EBF1: variants seen among roughly 807,000 people sequenced by gnomAD.
EBF1 encodes EBF transcription factor 1.
Under a neutral mutation model 68.4 loss-of-function variants are expected in EBF1, and 10 were observed. That is an observed-to-expected ratio of 0.15 (90% CI 0.09 to 0.25). EBF1 has a LOEUF of 0.25. Ranked by LOEUF, EBF1 falls within the 10% of genes least tolerant of loss-of-function variation. The pLI is 1.00. For missense variants in EBF1, 509 were observed against 794.4 expected (o/e 0.64, Z 4.32); for synonymous variants, 298 against 299.8 (o/e 0.99, Z 0.06).
chr5:158,958,096 G>A (rs944722727), intron 6 of EBF1, among the ~76,000 whole-genome samples: 2 of 152,200 alleles, frequency 1.3e-5, no homozygotes, highest in Admixed American at 6.5e-5. Flanking sequence ...TGTGTTTCCC[G>A]GCAAAGAGGT....
intron 8 of EBF1, among the ~76,000 whole-genome samples, chr5:158,803,975 TG>T (rs1187453354): frequency 9.5e-5 from 14 of 147,104 alleles, no homozygotes; most frequent in African/African-American, 3.5e-4. Context: ...TGTGTGTGTG[TG>T]TGTGTGATGT....
At chr5:159,047,696 CT>C (rs1413473564) in intron 6 of EBF1, among the ~76,000 whole-genome samples, 4 of 152,162 alleles carry the variant, frequency 2.6e-5, no homozygotes, top group African/African-American at 9.7e-5. Flanking sequence ...AAACCCATAC[CT>C]CTTCTCATGC....
intron 6 of EBF1, among the ~76,000 whole-genome samples, chr5:159,038,544 C>G (rs150858578): frequency 7.4e-4 from 112 of 152,262 alleles, no homozygotes; most frequent in African/African-American, 2.6e-3. Context: ...AGCAAAGAGG[C>G]CATGCCTCAC....
chr5:158,926,886 C>T (rs150618835), intron 6 of EBF1, among the ~76,000 whole-genome samples: 2,474 of 152,030 alleles, frequency 0.016, 34 homozygotes, highest in Middle Eastern at 0.031. Flanking sequence ...TAATTGCAAC[C>T]GAATCAATAC....
intron 6 of EBF1, among the ~76,000 whole-genome samples, chr5:159,047,258 G>C (rs1772606748): frequency 1.3e-5 from 2 of 152,178 alleles, no homozygotes; most frequent in Admixed American, 6.5e-5. Context: ...CGTGACAGAA[G>C]CAATGGGAAC....
chr5:158,754,439 C>T (rs776312901), intron 10 of EBF1, among the ~76,000 whole-genome samples: 1 of 152,082 alleles, frequency 6.6e-6, no homozygotes, highest in Non-Finnish European at 1.5e-5. Flanking sequence ...GCAGCCTGAT[C>T]GCCACGATGT....
chr5:159,018,554 T>C (rs1227627290), intron 6 of EBF1, among the ~76,000 whole-genome samples: 1 of 152,204 alleles, frequency 6.6e-6, no homozygotes, highest in East Asian at 1.9e-4. Flanking sequence ...AATTTTTTGT[T>C]CCAGCACACA....
At chr5:158,825,245 A>G (rs1785807736) in intron 7 of EBF1, among the ~76,000 whole-genome samples, 1 of 152,252 alleles carries the variant, frequency 6.6e-6, no homozygotes, top group South Asian at 2.1e-4. Context: ...TATCATATGC[A>G]GTGGCAAAGT....
intron 5 of EBF1, among the ~76,000 whole-genome samples, chr5:159,083,718 A>G (rs1780122586): frequency 6.6e-6 from 1 of 152,218 alleles, no homozygotes; most frequent in African/African-American, 2.4e-5. Flanking sequence ...GAAGCCCTAA[A>G]CGGATTGGTC....
chr5:158,855,351 A>G (rs1311404115), intron 6 of EBF1, among the ~76,000 whole-genome samples: 1 of 152,224 alleles, frequency 6.6e-6, no homozygotes, highest in Non-Finnish European at 1.5e-5. Flanking sequence ...CAGGGAGTGG[A>G]TAAAGTCACT....
At chr5:158,959,185 A>T (rs1284654986) in intron 6 of EBF1, among the ~76,000 whole-genome samples, 1 of 152,226 alleles carries the variant, frequency 6.6e-6, no homozygotes, top group Non-Finnish European at 1.5e-5. Flanking sequence ...ATTTGCCCAT[A>T]TTTTAGAAAA....
intron 5 of EBF1, among the ~76,000 whole-genome samples, chr5:159,077,062 G>A (rs575237685): frequency 1.8e-4 from 27 of 152,330 alleles, no homozygotes; most frequent in Non-Finnish European, 2.9e-4. Context: ...GGGAGAGAGG[G>A]AGGGGAAGAG....
intron 6 of EBF1, among the ~76,000 whole-genome samples, chr5:159,068,032 A>G (rs913022804): frequency 1.7e-4 from 26 of 152,268 alleles, no homozygotes; most frequent in African/African-American, 6.3e-4. Flanking sequence ...TTCATACCCC[A>G]CACAGCCATT....
intron 6 of EBF1, among the ~76,000 whole-genome samples, chr5:159,061,074 T>C (rs1361687374): frequency 1.3e-5 from 2 of 152,098 alleles, no homozygotes; most frequent in East Asian, 3.8e-4. Context: ...CCGGAGTGTT[T>C]AGTTGAGGCA....
rs921835166 is a variant in EBF1 at position 158,941,067 on chromosome 5, A to G, written c.555-100957T>C. Reference sequence around the variant, plus strand: ...GCTCTTAGCCTCAAGAAAAGACAAAACTGAAAACAATCATCTGTTGCTGAC... The same window carrying G: ...GCTCTTAGCCTCAAGAAAAGACAAAGCTGAAAACAATCATCTGTTGCTGAC... On this transcript the variant is annotated intron_variant, in intron 6 of 15. Transcript: ENST00000313708. The G allele has an allele frequency of 9.1e-5, 34 of 373,860 alleles. 1 individual carries two copies. The Admixed American group carries it at 1.1e-3, about 12-fold the overall frequency. 23.2% of individuals were successfully genotyped at this position (373,860 alleles called of 1,614,324 possible).
chr5:158,816,403 T>G (rs1227175551), intron 8 of EBF1, among the ~76,000 whole-genome samples: 1 of 151,838 alleles, frequency 6.6e-6, no homozygotes, highest in East Asian at 1.9e-4. Context: ...GTACAAAGAG[T>G]GCTGAATGGA....
At chr5:159,080,527 T>C (rs1584480020) in intron 5 of EBF1, among the ~76,000 whole-genome samples, 1 of 152,336 alleles carries the variant, frequency 6.6e-6, no homozygotes, top group South Asian at 2.1e-4. Context: ...AATGTTTTGG[T>C]AGACATTTCA....
At chr5:158,964,516 G>A (rs946674687) in intron 6 of EBF1, among the ~76,000 whole-genome samples, 2 of 152,090 alleles carry the variant, frequency 1.3e-5, no homozygotes, top group Non-Finnish European at 2.9e-5. Context: ...AAAATGGAAA[G>A]GAGAGAACAA....
chr5:159,099,328 C>A lies in EBF1; in HGVS notation c.134+17G>T. On this transcript the variant is annotated intron_variant, in intron 1 of 15. Coordinates refer to ENST00000313708, the MANE Select transcript of EBF1 (RefSeq NM_024007.5). ...GCTCGCGGCTCACCTCGGCCGCGGTCCCCGCGCAGTACCCACCTCTGCGCC... is the reference window on the plus strand; with the variant it reads ...GCTCGCGGCTCACCTCGGCCGCGGTACCCGCGCAGTACCCACCTCTGCGCC... The A allele has an allele frequency of 6.5e-7, 1 of 1,539,652 alleles. No individual in the cohort carries two copies. The highest frequency in any genetic ancestry group is 1.2e-5 in the South Asian group (1 of 82,642).
Sources: gnomAD v4.1 joint callset for allele counts (sites outside exome capture counted in the v4.1 genomes callset) on GRCh38, gnomAD v4.1.1 for gene constraint, MANE v1.5 for transcripts, NCBI Gene and HGNC (gene_info 2026-07-23, HGNC 2026-07-21) for gene names.